The following CNKSR2 variants were observed in gnomAD, a reference collection of about 807,000 sequenced individuals.
CNKSR2 encodes the protein CNK homolog protein 2.
A neutral mutation model predicts 84.4 loss-of-function variants in CNKSR2; 14 were observed. The ratio of observed to expected loss-of-function variants is 0.17; its 90% confidence interval spans 0.11 to 0.26. The LOEUF is 0.26. Among genes scored for constraint, CNKSR2 ranks in the 10% least tolerant of loss-of-function variants. The probability of loss-of-function intolerance (pLI) is 1.00; values close to 1 mark genes in which losing one functional copy is unlikely to be tolerated. For missense variants in CNKSR2, 485 were observed against 771.2 expected, an observed-to-expected ratio of 0.63 and a Z score of 4.40; for synonymous variants, 275 against 277.9, an observed-to-expected ratio of 0.99 and a Z score of 0.10.
chrX:21,418,512 G>GA (rs2090452802), intron 1 of CNKSR2, among the ~76,000 whole-genome samples: 1 of 111,456 alleles, frequency 9.0e-6, no homozygotes, highest in African/African-American at 3.3e-5. Context: ...CTTTTGTTTG[G>GA]AAAAGTCTTT....
intron 8 of CNKSR2, chrX:21,506,249 T>C (rs1185644432): frequency 9.0e-6 from 1 of 111,582 alleles, no homozygotes. Flanking sequence ...TAGGATTCTG[T>C]GAAATCAGTA....
intron 5 of CNKSR2, among the ~76,000 whole-genome samples, chrX:21,478,540 ACATTATGCATTG>A (rs1366311148): frequency 2.7e-5 from 3 of 112,208 alleles, no homozygotes; most frequent in Admixed American, 9.5e-5. Flanking sequence ...TTTGCTGAAC[ACATTATGCATTG>A]CAAGATGCTT....
At chrX:21,588,246 G>T in intron 13 of CNKSR2, among the ~76,000 whole-genome samples, 1 of 111,936 alleles carries the variant, frequency 8.9e-6, no homozygotes, top group Non-Finnish European at 1.9e-5. Flanking sequence ...CTTCTTATCA[G>T]TATAGGGAAC....
At chrX:21,508,219 A>T (rs1388853620) in intron 8 of CNKSR2, among the ~76,000 whole-genome samples, 1 of 111,547 alleles carries the variant, frequency 9.0e-6, no homozygotes, top group Non-Finnish European at 1.9e-5. Context: ...AGTTCAAACT[A>T]CTCAGGAGGC....
chrX:21,470,754 C>T lies in CNKSR2; in HGVS notation c.520-12C>T. The T allele has an allele frequency of 1.1e-6, 1 of 932,687 alleles. No individual in the cohort carries two copies. The highest frequency in any genetic ancestry group is 1.5e-6 in the Non-Finnish European group (1 of 681,250). The allele number at this position is 932,687 out of a possible 1,213,427, so 76.9% of individuals were successfully genotyped here. On this transcript the variant is annotated splice_polypyrimidine_tract_variant and intron_variant, in intron 4 of 21. Transcript: ENST00000379510. ...TATTTTGAATCTAATGTATATGGTT[C>T]TTTTTTTTCAGGATTGTACTGTATA...
chrX:21,523,771 G>C lies in CNKSR2; in HGVS notation c.958-3096G>C, dbSNP rs142216186. On this transcript the variant is annotated intron_variant, in intron 9 of 21. Transcript: ENST00000379510. ...TTTTTAATGCCACTTGTTACAACTA[G>C]GAATTTCTCACTGATAATTTTAGCT... 1.1e-3 allele frequency among the ~76,000 whole-genome samples: 126 copies of C among 110,300 alleles called. 1 individual carries two copies. Among genetic ancestry groups the C allele is most frequent in the African/African-American group, 3.9e-3 (118 of 30,644 alleles).
chrX:21,563,479 A>G (rs755974958), intron 13 of CNKSR2, 27 bp downstream of exon 13: 6 of 1,067,457 alleles, frequency 5.6e-6, no homozygotes, highest in Non-Finnish European at 7.7e-6. Flanking sequence ...AGACTCTTCA[A>G]TACAGCTTTT....
At chrX:21,624,210 A>G (rs746044807) in intron 20 of CNKSR2, among the ~76,000 whole-genome samples, 21 of 112,263 alleles carry the variant, frequency 1.9e-4, no homozygotes, top group African/African-American at 3.2e-5. Context: ...AAGAAAGAAA[A>G]CAAAGGAAAA....
intron 4 of CNKSR2, among the ~76,000 whole-genome samples, chrX:21,443,105 A>G (rs2090807315): frequency 9.0e-6 from 1 of 110,910 alleles, no homozygotes; most frequent in African/African-American, 3.3e-5. Flanking sequence ...TACCCAATTT[A>G]CTTATATAAC....
intron 4 of CNKSR2, among the ~76,000 whole-genome samples, chrX:21,458,061 G>C (rs1201023370): frequency 4.5e-5 from 5 of 111,491 alleles, no homozygotes; most frequent in Non-Finnish European, 9.4e-5. Context: ...TTCCAGATGT[G>C]GCCTTTACTG....
intron 18 of CNKSR2, among the ~76,000 whole-genome samples, chrX:21,604,764 G>A (rs768791920): frequency 9.0e-6 from 1 of 111,225 alleles, no homozygotes; most frequent in East Asian, 2.8e-4. Flanking sequence ...TGGCAGGGGC[G>A]GGTTTGCTTA....
At chrX:21,594,239 G>A (rs996580730) in intron 15 of CNKSR2, 9 of 111,080 alleles carry the variant, frequency 8.1e-5, no homozygotes, top group Non-Finnish European at 1.3e-4. Context: ...CAAATACCAC[G>A]TGTTCTCACT....
chrX:21,478,747 C>CT (rs908668783), intron 5 of CNKSR2, among the ~76,000 whole-genome samples: 3 of 111,292 alleles, frequency 2.7e-5, no homozygotes, highest in Non-Finnish European at 5.7e-5. Context: ...GCCTTTCTGA[C>CT]TAAGTTGAGG....
chrX:21,526,570 A>G (rs1042940959), intron 9 of CNKSR2, among the ~76,000 whole-genome samples: 5 of 110,932 alleles, frequency 4.5e-5, no homozygotes, highest in Non-Finnish European at 7.6e-5. Flanking sequence ...AAATCTTCCC[A>G]TTTTGAAACA....
intron 6 of CNKSR2, chrX:21,491,874 T>C (rs986714448): frequency 1.8e-5 from 2 of 111,882 alleles, no homozygotes; most frequent in Non-Finnish European, 3.8e-5. Flanking sequence ...TTAGTAGTTA[T>C]AAGGGAAAGG....
At chrX:21,434,082 T>C (rs908190406) in intron 3 of CNKSR2, among the ~76,000 whole-genome samples, 1 of 111,026 alleles carries the variant, frequency 9.0e-6, no homozygotes, top group African/African-American at 3.3e-5. Context: ...AATACATTTG[T>C]TTTGGTAGGC....
chrX:21,523,825 T>G (rs1370441100), intron 9 of CNKSR2, among the ~76,000 whole-genome samples: 1 of 111,087 alleles, frequency 9.0e-6, no homozygotes, highest in Admixed American at 9.6e-5. Flanking sequence ...GTACTTGATT[T>G]AGTCAAATTT....
At position 21,408,269 on chromosome X, in the gene CNKSR2, C is replaced by T. The variant is rs1159770684; in HGVS notation, c.65-18228C>T. 9.8e-5 allele frequency among the ~76,000 whole-genome samples: 11 copies of T among 111,883 alleles called. No individual in the cohort carries two copies. In the East Asian group the frequency reaches 1.4e-3, roughly 14 times the overall value. On this transcript the variant is annotated intron_variant, in intron 1 of 21. Coordinates refer to ENST00000379510, the MANE Select transcript of CNKSR2 (RefSeq NM_014927.5). ...GGAAATTCCCATTAACCTGTGGCTACTCAGGATGACTCTCACTGAGTTGTT... is the reference window on the plus strand; with the variant it reads ...GGAAATTCCCATTAACCTGTGGCTATTCAGGATGACTCTCACTGAGTTGTT...
chrX:21,595,668 T>C (rs998505759), intron 17 of CNKSR2, among the ~76,000 whole-genome samples: 2 of 112,136 alleles, frequency 1.8e-5, no homozygotes, highest in African/African-American at 6.5e-5. Context: ...TTAAGTTCAT[T>C]TCAATAATAT....
Sources: allele counts gnomAD v4.1 joint callset (sites outside exome capture counted in the v4.1 genomes callset), GRCh38; gene constraint gnomAD v4.1.1; transcripts MANE v1.5; gene names NCBI Gene and HGNC (gene_info 2026-07-23, HGNC 2026-07-21).